PCDH15: variants seen among roughly 807,000 people sequenced by gnomAD.
The protein encoded by PCDH15 is protocadherin-15.
In PCDH15, 129 loss-of-function variants were observed where a neutral mutation model predicts 178.5. That is an observed-to-expected ratio of 0.72 (90% CI 0.63 to 0.84). The LOEUF is 0.84. Among genes scored for constraint, PCDH15 ranks in the 40% least tolerant of loss-of-function variants. The pLI is 0.00. For missense variants in PCDH15, 2,230 were observed against 2,099.9 expected, an observed-to-expected ratio of 1.06 and a Z score of -1.21; for synonymous variants, 800 against 732.0, an observed-to-expected ratio of 1.09 and a Z score of -1.50.
At chr10:53,886,782 C>T (rs1292884528) in intron 26 of PCDH15, among the ~76,000 whole-genome samples, 1 of 152,034 alleles carries the variant, frequency 6.6e-6, no homozygotes, top group African/African-American at 2.4e-5. Context: ...GTTCAGAGCT[C>T]ACTGCCTTCT....
intron 18 of PCDH15, among the ~76,000 whole-genome samples, chr10:54,050,152 T>C (rs1049274462): frequency 1.3e-5 from 2 of 152,218 alleles, no homozygotes; most frequent in Admixed American, 6.5e-5. Context: ...CTCTTCTCTG[T>C]ATGTCTGGTA....
At chr10:54,982,006 G>T (rs528269215) in intron 2 of PCDH15, among the ~76,000 whole-genome samples, 1 of 151,584 alleles carries the variant, frequency 6.6e-6, no homozygotes, top group South Asian at 2.1e-4. Context: ...CTAGGCTCAA[G>T]TAATCCTCAT....
At chr10:55,247,250 A>G (rs1038199453) in intron 1 of PCDH15, among the ~76,000 whole-genome samples, 1 of 152,192 alleles carries the variant, frequency 6.6e-6, no homozygotes, top group African/African-American at 2.4e-5. Context: ...GCCAGCCTAT[A>G]GGTAGTTCTA....
chr10:55,353,231 C>G (rs1844987704), intron 2 of PCDH15, among the ~76,000 whole-genome samples: 1 of 152,102 alleles, frequency 6.6e-6, no homozygotes, highest in Admixed American at 6.6e-5. Flanking sequence ...GATTTTTACA[C>G]TATAGGAATA....
chr10:54,777,625 ACATGGGTTCTTTTGCTGTTT>A (rs1164613324), intron 1 of PCDH15, among the ~76,000 whole-genome samples: 1 of 152,172 alleles, frequency 6.6e-6, no homozygotes, highest in Non-Finnish European at 1.5e-5. Flanking sequence ...CAATTTCAGT[ACATGGGTTCTTTTGCTGTTT>A]CAAAGTTCTT....
chr10:55,044,552 G>A (rs191874335), intron 2 of PCDH15, among the ~76,000 whole-genome samples: 147 of 152,086 alleles, frequency 9.7e-4, no homozygotes, highest in Non-Finnish European at 1.7e-3. Flanking sequence ...CAGAGGTATT[G>A]ACATACCTCT....
At chr10:55,593,944 G>T (rs1279086261) in intron 2 of PCDH15, among the ~76,000 whole-genome samples, 1 of 151,800 alleles carries the variant, frequency 6.6e-6, no homozygotes, top group African/African-American at 2.4e-5. Flanking sequence ...CATGTATTTA[G>T]TATTAATTGA....
intron 2 of PCDH15, among the ~76,000 whole-genome samples, chr10:54,559,740 A>G (rs1416065845): frequency 1.3e-5 from 2 of 151,756 alleles, no homozygotes; most frequent in Non-Finnish European, 2.9e-5. Flanking sequence ...TGAAAACAAA[A>G]CAAGCATGCT....
chr10:55,572,343 T>C (rs1842421388), intron 2 of PCDH15, among the ~76,000 whole-genome samples: 1 of 151,668 alleles, frequency 6.6e-6, no homozygotes, highest in Non-Finnish European at 1.5e-5. Context: ...ACATTCTGTC[T>C]CCTTCACACT....
At chr10:55,338,272 T>C (rs1020474056) in intron 2 of PCDH15, among the ~76,000 whole-genome samples, 2 of 152,094 alleles carry the variant, frequency 1.3e-5, no homozygotes, top group African/African-American at 4.8e-5. Flanking sequence ...AAAATTACCA[T>C]ATGATCCAGC....
At chr10:54,993,757 G>A (rs994036008) in intron 2 of PCDH15, among the ~76,000 whole-genome samples, 2 of 152,106 alleles carry the variant, frequency 1.3e-5, no homozygotes, top group Non-Finnish European at 2.9e-5. Context: ...GCTAAAAAGA[G>A]AGGAATTAGT....
At chr10:55,313,412 T>C (rs1376208980) in intron 1 of PCDH15, among the ~76,000 whole-genome samples, 1 of 152,202 alleles carries the variant, frequency 6.6e-6, no homozygotes, top group Non-Finnish European at 1.5e-5. Flanking sequence ...TTCCTTCTAT[T>C]TAAAAGTGCA....
At chr10:55,507,839 G>A (rs371908766) in intron 2 of PCDH15, among the ~76,000 whole-genome samples, 9 of 151,626 alleles carry the variant, frequency 5.9e-5, no homozygotes, top group African/African-American at 1.9e-4. Context: ...AATAGCTGAG[G>A]TGTTTTTCTT....
At chr10:53,871,411 T>A (rs2079840321) in intron 26 of PCDH15, among the ~76,000 whole-genome samples, 1 of 151,438 alleles carries the variant, frequency 6.6e-6, no homozygotes, top group Non-Finnish European at 1.5e-5. Context: ...AAAATAAGGA[T>A]GCCCAAAAAT....
intron 3 of PCDH15, among the ~76,000 whole-genome samples, chr10:54,832,828 T>A (rs1028871969): frequency 2.7e-4 from 41 of 152,186 alleles, no homozygotes; most frequent in Admixed American, 2.2e-3. Flanking sequence ...AATGATGAGG[T>A]AAACAAATAT....
intron 1 of PCDH15, among the ~76,000 whole-genome samples, chr10:54,722,509 T>C (rs931337161): frequency 6.6e-6 from 1 of 151,292 alleles, no homozygotes; most frequent in African/African-American, 2.4e-5. Context: ...CTTGATCTTA[T>C]ATAGTTCTGC....
At position 54,062,253 on chromosome 10, in the gene PCDH15, C is replaced by CAAAAAAAAAA. The variant is rs769054605; in HGVS notation, c.2220+4503_2220+4504insTTTTTTTTTT. 1.3e-4 allele frequency among the ~76,000 whole-genome samples: 10 copies of CAAAAAAAAAA among 75,840 alleles called. 1 individual carries two copies. Among genetic ancestry groups the CAAAAAAAAAA allele is most frequent in the Admixed American group, 3.6e-4 (2 of 5,564 alleles). The allele number at this position is 75,840 out of a possible 152,430, so 49.8% of individuals were successfully genotyped here. On this transcript the variant is annotated intron_variant, in intron 18 of 37. Coordinates refer to ENST00000644397, the MANE Select transcript of PCDH15 (RefSeq NM_001384140.1). ...AAAAAAAAAAAAAAAAAAAAAAAAACAAAAAACAACTAAATGAAAACTCCC... is the reference window on the plus strand; with the variant it reads ...AAAAAAAAAAAAAAAAAAAAAAAAACAAAAAAAAAAAAAAAACAACTAAATGAAAACTCCC...
At chr10:54,521,022 T>C (rs1318696806) in intron 3 of PCDH15, among the ~76,000 whole-genome samples, 11 of 127,196 alleles carry the variant, frequency 8.6e-5, no homozygotes, top group Non-Finnish European at 4.7e-5. Context: ...TGAGAACACA[T>C]GGACACAGGA....
At chr10:53,826,441 C>T (rs1339179233) in intron 32 of PCDH15, among the ~76,000 whole-genome samples, 1 of 151,976 alleles carries the variant, frequency 6.6e-6, no homozygotes, top group Non-Finnish European at 1.5e-5. Context: ...CTTATTGCTA[C>T]TAGTAACTGA....
Sources: gnomAD v4.1 joint callset for allele counts (sites outside exome capture counted in the v4.1 genomes callset) on GRCh38, gnomAD v4.1.1 for gene constraint, MANE v1.5 for transcripts, NCBI Gene and HGNC (gene_info 2026-07-23, HGNC 2026-07-21) for gene names.